STK33: variants seen among roughly 807,000 people sequenced by gnomAD.
The protein encoded by STK33 is serine/threonine-protein kinase 33.
Under a neutral mutation model 58.0 loss-of-function variants are expected in STK33, and 52 were observed. The observed-to-expected ratio is 0.90, with a 90% confidence interval of 0.72 to 1.13. The LOEUF (loss-of-function observed/expected upper bound fraction) is 1.13, where lower values mean the gene tolerates loss of function less well. Among genes scored for constraint, STK33 ranks in the 50% most tolerant of loss-of-function variants. The pLI is 0.00. For synonymous variants in STK33, 215 were observed against 200.1 expected (o/e 1.07, Z -0.63); for missense variants, 630 against 604.2 (o/e 1.04, Z -0.45).
intron 14 of STK33, among the ~76,000 whole-genome samples, chr11:8,413,893 A>C (rs1304288180): frequency 6.6e-6 from 1 of 152,194 alleles, no homozygotes; most frequent in African/African-American, 2.4e-5. Flanking sequence ...GCATGATATC[A>C]CGTGTAATAT....
chr11:8,405,969 C>T (rs1939085041), intron 15 of STK33, among the ~76,000 whole-genome samples: 3 of 151,804 alleles, frequency 2.0e-5, no homozygotes, highest in South Asian at 2.1e-4. Context: ...GGTGAAACCC[C>T]ATCTCTACTA....
At chr11:8,432,403 T>A (rs922946282) in intron 14 of STK33, among the ~76,000 whole-genome samples, 2 of 152,172 alleles carry the variant, frequency 1.3e-5, no homozygotes, top group African/African-American at 4.8e-5. Context: ...AGAACCGGCA[T>A]ACTCCGGCCA....
At chr11:8,468,489 G>C (rs1293329145) in intron 6 of STK33, among the ~76,000 whole-genome samples, 4 of 152,142 alleles carry the variant, frequency 2.6e-5, no homozygotes, top group African/African-American at 9.7e-5. Flanking sequence ...CCTTCATGAA[G>C]GGCTTCCTTG....
chr11:8,443,672 T>TA (rs1945047159), intron 11 of STK33, among the ~76,000 whole-genome samples: 1 of 150,268 alleles, frequency 6.7e-6, no homozygotes, highest in African/African-American at 2.4e-5. Context: ...ATAAGCCTGA[T>TA]AATAAATATG....
chr11:8,389,116 G>A (rs920157477), downstream of STK33, among the ~76,000 whole-genome samples: 7 of 152,238 alleles, frequency 4.6e-5, no homozygotes, highest in Non-Finnish European at 8.8e-5. Context: ...AACAGAGACT[G>A]TTCATAAAGG....
intron 1 of STK33, among the ~76,000 whole-genome samples, chr11:8,567,004 G>C (rs1379031035): frequency 1.3e-5 from 2 of 152,076 alleles, no homozygotes; most frequent in Non-Finnish European, 2.9e-5. Flanking sequence ...AGCTGGGGTG[G>C]TTGTGTGTGC....
At chr11:8,574,342 C>G (rs145546881) in intron 1 of STK33, among the ~76,000 whole-genome samples, 1 of 151,944 alleles carries the variant, frequency 6.6e-6, no homozygotes, top group Non-Finnish European at 1.5e-5. Flanking sequence ...CAGAGTCTCC[C>G]TGTGTATTTA....
chr11:8,565,350 C>G (rs1957378525), intron 1 of STK33, among the ~76,000 whole-genome samples: 1 of 152,152 alleles, frequency 6.6e-6, no homozygotes, highest in Non-Finnish European at 1.5e-5. Context: ...TTGGGGTTTA[C>G]CCATGGGGTT....
intron 8 of STK33, 95 bp from the exon 9 acceptor site, chr11:8,457,574 ATTAAT>A (rs1456319401): frequency 9.2e-7 from 1 of 1,081,844 alleles, no homozygotes; most frequent in African/African-American, 1.6e-5. Flanking sequence ...AGTCATAATC[ATTAAT>A]TTATTCATTC....
At chr11:8,553,251 G>T (rs1170602157) in intron 1 of STK33, among the ~76,000 whole-genome samples, 5 of 112,572 alleles carry the variant, frequency 4.4e-5, no homozygotes, top group South Asian at 2.9e-4. Context: ...TGATATATAT[G>T]ATATATATAT....
intron 1 of STK33, among the ~76,000 whole-genome samples, chr11:8,556,158 T>C (rs1179411635): frequency 6.6e-6 from 1 of 152,174 alleles, no homozygotes; most frequent in East Asian, 1.9e-4. Context: ...ATATTGAGAC[T>C]AGGGCCAGTT....
intron 11 of STK33, among the ~76,000 whole-genome samples, chr11:8,446,029 G>T (rs1591124127): frequency 6.6e-6 from 1 of 151,892 alleles, no homozygotes; most frequent in African/African-American, 2.4e-5. Flanking sequence ...TGGTTGGTAG[G>T]ATATTAATTA....
At chr11:8,539,976 C>T (rs917370472) in intron 1 of STK33, among the ~76,000 whole-genome samples, 2 of 152,072 alleles carry the variant, frequency 1.3e-5, no homozygotes, top group South Asian at 4.1e-4. Context: ...TAGACTGGTA[C>T]AGCCATTATG....
intron 1 of STK33, among the ~76,000 whole-genome samples, chr11:8,508,395 A>G (rs1952038954): frequency 6.7e-6 from 1 of 148,300 alleles, no homozygotes; most frequent in Non-Finnish European, 1.5e-5. Flanking sequence ...GAGCCTCCCC[A>G]GTAGCTAGAA....
chr11:8,337,916 AC>A, the STK33 span, among the ~76,000 whole-genome samples: 4 of 151,832 alleles, frequency 2.6e-5, no homozygotes, highest in African/African-American at 9.7e-5. Flanking sequence ...TTCTTGAGCC[AC>A]CCCATTTAAA....
At chr11:8,344,311 G>A in the STK33 span, among the ~76,000 whole-genome samples, 1 of 152,104 alleles carries the variant, frequency 6.6e-6, no homozygotes, top group East Asian at 1.9e-4. Context: ...TAGCCCAGGA[G>A]TTTGAGGCTG....
chr11:8,374,745 A>G, the STK33 span, among the ~76,000 whole-genome samples: 586 of 152,340 alleles, frequency 3.8e-3, 3 homozygotes, highest in South Asian at 7.7e-3. Flanking sequence ...TCAGCCTGTA[A>G]CAGTGATGTT....
At chr11:8,462,772 A>G (rs1947719539) in intron 7 of STK33, among the ~76,000 whole-genome samples, 1 of 152,140 alleles carries the variant, frequency 6.6e-6, no homozygotes, top group South Asian at 2.1e-4. Context: ...ATAATCTACA[A>G]TGTCCTCTAT....
At chr11:8,395,417 G>A (rs906738139) in intron 15 of STK33, among the ~76,000 whole-genome samples, 1 of 152,152 alleles carries the variant, frequency 6.6e-6, no homozygotes, top group African/African-American at 2.4e-5. Context: ...GGCTTCCCCA[G>A]CCATGTGGAA....
Sources: allele counts gnomAD v4.1 joint callset (sites outside exome capture counted in the v4.1 genomes callset), GRCh38; gene constraint gnomAD v4.1.1; transcripts MANE v1.5; gene names NCBI Gene and HGNC (gene_info 2026-07-23, HGNC 2026-07-21).